Variants in ZFAT observed in about 807,000 individuals in gnomAD.
ZFAT encodes the protein zinc finger protein ZFAT.
In ZFAT, 64 loss-of-function variants were observed where a neutral mutation model predicts 117.7. The observed-to-expected ratio is 0.54, with a 90% CI of 0.44 to 0.67. The LOEUF is 0.67. Ranked by LOEUF, ZFAT falls within the 30% of genes least tolerant of loss-of-function variation. The pLI, the probability that ZFAT is intolerant of heterozygous loss-of-function variation, is 0.00. For missense variants in ZFAT, 1,433 were observed against 1,584.5 expected (o/e 0.90, Z 1.62); for synonymous variants, 679 against 615.0 (o/e 1.10, Z -1.54).
the ZFAT span, among the ~76,000 whole-genome samples, chr8:134,824,154 T>A: frequency 6.6e-6 from 1 of 152,216 alleles, no homozygotes; most frequent in Non-Finnish European, 1.5e-5. Flanking sequence ...TCCAAGGGAA[T>A]TGAGTGCTGC....
chr8:134,504,773 T>G (rs1321435395), intron 15 of ZFAT, among the ~76,000 whole-genome samples: 1 of 152,130 alleles, frequency 6.6e-6, no homozygotes, highest in Non-Finnish European at 1.5e-5. Flanking sequence ...TTCCGAGACT[T>G]GGAATCCTTG....
intron 15 of ZFAT, among the ~76,000 whole-genome samples, chr8:134,496,589 A>G (rs1297068510): frequency 1.3e-5 from 2 of 152,206 alleles, no homozygotes; most frequent in Non-Finnish European, 2.9e-5. Flanking sequence ...CTGATCTGGA[A>G]TTCACGGTTT....
intron 3 of ZFAT, among the ~76,000 whole-genome samples, chr8:134,613,336 A>G (rs1244956954): frequency 6.6e-6 from 1 of 152,114 alleles, no homozygotes; most frequent in Non-Finnish European, 1.5e-5. Context: ...ACGCTCTGCA[A>G]CGGATAAACT....
intron 11 of ZFAT, among the ~76,000 whole-genome samples, chr8:134,549,357 C>T (rs779139454): frequency 6.7e-6 from 1 of 149,636 alleles, no homozygotes; most frequent in African/African-American, 2.5e-5. Context: ...AGGAGAATGG[C>T]GTGAACCTAG....
chr8:134,536,074 C>T (rs1452467234), intron 11 of ZFAT, among the ~76,000 whole-genome samples: 3 of 152,210 alleles, frequency 2.0e-5, no homozygotes, highest in Non-Finnish European at 4.4e-5. Flanking sequence ...GTTCAGCTCG[C>T]TTTCTTCCCC....
At position 134,497,585 on chromosome 8, in the gene ZFAT, TAC is replaced by T. The variant is rs1283823141; in HGVS notation, c.3492+12032_3492+12033del. On this transcript the variant is annotated intron_variant, in intron 15 of 15. Coordinates refer to ENST00000377838, the MANE Select transcript of ZFAT (RefSeq NM_020863.4). ...GAGCCGGGATGCCCCAGCTGCTGGT[TAC>T]ACACAGAGCCTGATTTCGTAGGGTT... is the stretch of plus-strand genomic sequence containing the variant. Among the ~76,000 whole-genome samples, 5 of 37,808 alleles carry T rather than the reference TAC, an allele frequency of 1.3e-4. 1 individual carries two copies. The highest frequency in any genetic ancestry group is 7.6e-4 in the African/African-American group (5 of 6,556). 24.8% of individuals were successfully genotyped at this position (37,808 alleles called of 152,430 possible). A position where few individuals can be genotyped will look rare whatever the true frequency, so the allele number is the denominator to read the frequency against.
At chr8:134,777,902 A>T in the ZFAT span, among the ~76,000 whole-genome samples, 6 of 152,152 alleles carry the variant, frequency 3.9e-5, no homozygotes, top group African/African-American at 1.4e-4. Flanking sequence ...AGTTCATTCC[A>T]TTCCACATTT....
chr8:134,813,970 A>ATATG, the ZFAT span, among the ~76,000 whole-genome samples: 2 of 152,150 alleles, frequency 1.3e-5, no homozygotes, highest in African/African-American at 4.8e-5. Context: ...TGGGAGACAA[A>ATATG]AAGTTAATAT....
At chr8:134,776,496 G>T in the ZFAT span, among the ~76,000 whole-genome samples, 2 of 152,200 alleles carry the variant, frequency 1.3e-5, no homozygotes, top group South Asian at 4.1e-4. Flanking sequence ...TAGAGACAGG[G>T]TCTCACCATG....
At chr8:134,543,632 C>T (rs1415340867) in intron 11 of ZFAT, among the ~76,000 whole-genome samples, 4 of 152,224 alleles carry the variant, frequency 2.6e-5, no homozygotes, top group Non-Finnish European at 5.9e-5. Flanking sequence ...TGTGTATCTT[C>T]CCCTCAATAT....
At chr8:134,800,618 A>G in the ZFAT span, 1 of 501,164 alleles carries the variant, frequency 2.0e-6, no homozygotes, top group Non-Finnish European at 4.2e-6. Context: ...TTAAAGCAGG[A>G]CTTAAACTCT....
At chr8:134,825,772 G>A in the ZFAT span, among the ~76,000 whole-genome samples, 7 of 152,206 alleles carry the variant, frequency 4.6e-5, no homozygotes, top group African/African-American at 1.7e-4. Context: ...TGTAATCCCA[G>A]CACTTTGGGA....
chr8:134,623,531 G>A (rs779057807), intron 3 of ZFAT, among the ~76,000 whole-genome samples: 3 of 152,150 alleles, frequency 2.0e-5, no homozygotes, highest in Non-Finnish European at 4.4e-5. Context: ...AAGGTTGGCA[G>A]GGATGCCACC....
intron 3 of ZFAT, among the ~76,000 whole-genome samples, chr8:134,623,485 C>T (rs1245996681): frequency 6.6e-6 from 1 of 152,192 alleles, no homozygotes; most frequent in Non-Finnish European, 1.5e-5. Flanking sequence ...CTAACTCACC[C>T]TTTTTCCTCC....
chr8:134,610,384 T>C lies in ZFAT; in HGVS notation c.634+86A>G, dbSNP rs556874010. 1,490 of 1,420,326 alleles carry C rather than the reference T, an allele frequency of 1.0e-3. 3 individuals carry two copies. Among genetic ancestry groups the C allele is most frequent in the Non-Finnish European group, 1.2e-3 (1,313 of 1,056,372 alleles). The allele number at this position is 1,420,326 out of a possible 1,614,324, so 88.0% of individuals were successfully genotyped here. A position where few individuals can be genotyped will look rare whatever the true frequency, so the allele number is the denominator to read the frequency against. The stretch of plus-strand genomic sequence containing the variant: ...GCCCCACCAATGCACCAGCTCTGTG[T>C]TCTGACTCAGACTGTGACATCAGGC... On this transcript the variant is annotated intron_variant, in intron 4 of 15. Transcript: ENST00000377838.
chr8:134,611,896 C>T (rs905776493), intron 3 of ZFAT, among the ~76,000 whole-genome samples: 6 of 56,200 alleles, frequency 1.1e-4, no homozygotes, highest in Admixed American at 4.8e-4. Flanking sequence ...GAAGAGGGAA[C>T]GTGTCAGCCA....
At chr8:134,782,104 C>T in the ZFAT span, among the ~76,000 whole-genome samples, 3 of 152,142 alleles carry the variant, frequency 2.0e-5, 1 homozygote, top group South Asian at 6.2e-4. Context: ...CCATTATAAA[C>T]CAGGGGTGGA....
intron 6 of ZFAT, 40 bp downstream of exon 6, chr8:134,601,437 G>A (rs751825703): frequency 1.9e-6 from 3 of 1,562,448 alleles, no homozygotes; most frequent in Non-Finnish European, 2.6e-6. Context: ...CAGCATGATG[G>A]TTGTGGACAG....
At chr8:134,492,172 C>T (rs972990766) in intron 15 of ZFAT, among the ~76,000 whole-genome samples, 10 of 151,950 alleles carry the variant, frequency 6.6e-5, no homozygotes, top group African/African-American at 2.2e-4. Context: ...CAAGCAACTG[C>T]CCTCCTAGGA....
Sources: gnomAD v4.1 joint callset for allele counts (sites outside exome capture counted in the v4.1 genomes callset) on GRCh38, gnomAD v4.1.1 for gene constraint, MANE v1.5 for transcripts, NCBI Gene and HGNC (gene_info 2026-07-23, HGNC 2026-07-21) for gene names.